ENPP2: variants seen among roughly 807,000 people sequenced by gnomAD.
ENPP2 encodes the protein autotaxin.
ENPP2 carries 51 observed loss-of-function variants against 120.2 expected under a neutral mutation model. The ratio of observed to expected loss-of-function variants is 0.42; its 90% CI spans 0.34 to 0.54. The LOEUF is 0.54. Ranked by LOEUF, ENPP2 falls within the 20% of genes least tolerant of loss-of-function variation. The pLI is 0.04. For synonymous variants in ENPP2, 365 were observed against 366.4 expected (o/e 1.00, Z 0.04); for missense variants, 920 against 1,066.5 (o/e 0.86, Z 1.91).
At position 119,646,718 on chromosome 8, in the gene ENPP2, A is replaced by C. The variant is rs148726980; in HGVS notation, c.22-8191T>G. Among the ~76,000 whole-genome samples the C allele has an allele frequency of 5.8e-3, 886 of 152,332 alleles. 10 individuals are homozygous for C. The highest frequency in any genetic ancestry group is 0.02 in the African/African-American group (841 of 41,570). On this transcript the variant is annotated intron_variant, in intron 1 of 25. Transcript: ENST00000427067. Reference sequence around the variant, plus strand: ...TAATCCATGTAAATCACCTAGCACAATGCCCAGCATAGAATAGTGTTCATA... The same window carrying C: ...TAATCCATGTAAATCACCTAGCACACTGCCCAGCATAGAATAGTGTTCATA...
At chr8:119,568,298 A>G (rs752220934) in intron 21 of ENPP2, 46 bp from the exon 22 acceptor site, 14 of 975,220 alleles carry the variant, frequency 1.4e-5, no homozygotes, top group Non-Finnish European at 1.8e-5. Context: ...ACCAAAATCT[A>G]TATCAGTTAA....
upstream of ENPP2, chr8:119,638,947 AAT>A: frequency 1.3e-6 from 1 of 776,752 alleles, no homozygotes; most frequent in Non-Finnish European, 2.1e-6. Flanking sequence ...GGTGTTCACA[AAT>A]CGCAGCTCTG....
chr8:119,600,847 C>G, intron 10 of ENPP2, 97 bp from the exon 11 acceptor site: 1 of 783,736 alleles, frequency 1.3e-6, no homozygotes, highest in Non-Finnish European at 2.1e-6. Context: ...AAAATGTTCT[C>G]AAGTTTAATT....
chr8:119,612,287 GA>G (rs1458587502), intron 8 of ENPP2, among the ~76,000 whole-genome samples: 1 of 152,128 alleles, frequency 6.6e-6, no homozygotes, highest in Non-Finnish European at 1.5e-5. Context: ...GTAGTATATG[GA>G]AAAGAAACAA....
In ENPP2 at chr8:119,621,380, A is replaced by G; in HGVS notation, c.418+14T>C. 3 of 1,612,372 alleles carry G rather than the reference A, an allele frequency of 1.9e-6. No individual in the cohort carries two copies. Among genetic ancestry groups the G allele is most frequent in the Non-Finnish European group, 2.5e-6 (3 of 1,178,742 alleles). On this transcript the variant is annotated intron_variant, in intron 4 of 24. Transcript: ENST00000075322. ...ATTCTTTTAAAGCTCAGGCCAATCC[A>G]AAGAAACACGTACCTTTGCAAACCA...
At chr8:119,623,380 GC>G (rs1347560018) in intron 3 of ENPP2, among the ~76,000 whole-genome samples, 1 of 151,934 alleles carries the variant, frequency 6.6e-6, no homozygotes, top group Non-Finnish European at 1.5e-5. Flanking sequence ...CAGGAGAATC[GC>G]TTGAACCCAG....
chr8:119,629,208 G>A (rs1327637541), intron 2 of ENPP2, among the ~76,000 whole-genome samples: 1 of 151,886 alleles, frequency 6.6e-6, no homozygotes, highest in East Asian at 1.9e-4. Context: ...GTGTGTGTGG[G>A]TATGTATATA....
chr8:119,599,691 T>C (rs1176525626), intron 11 of ENPP2, among the ~76,000 whole-genome samples: 1 of 152,216 alleles, frequency 6.6e-6, no homozygotes, highest in African/African-American at 2.4e-5. Context: ...TCCACAATGA[T>C]GGCTGAGTGT....
At chr8:119,561,965 T>C (rs2326303) in intron 24 of ENPP2, among the ~76,000 whole-genome samples, 97,386 of 151,602 alleles carry the variant, frequency 0.64, 32,202 homozygotes, top group African/African-American at 0.8. Context: ...GGTGGAACCC[T>C]GTCTCTACTA....
intron 2 of ENPP2, 66 bp from the exon 3 acceptor site, chr8:119,626,786 C>G: frequency 6.8e-7 from 1 of 1,465,444 alleles, no homozygotes; most frequent in Non-Finnish European, 9.5e-7. Context: ...AAAGGTGGCA[C>G]TGGGAAGCTG....
intron 1 of ENPP2, among the ~76,000 whole-genome samples, chr8:119,672,226 C>T (rs1818271532): frequency 6.6e-6 from 1 of 152,158 alleles, no homozygotes; most frequent in Non-Finnish European, 1.5e-5. Context: ...CCAGAGGTGA[C>T]CACTGCGGGG....
intron 9 of ENPP2, among the ~76,000 whole-genome samples, chr8:119,602,457 C>CAAAAAAA (rs57298494): frequency 1.6e-5 from 2 of 122,956 alleles, no homozygotes; most frequent in African/African-American, 5.6e-5. Flanking sequence ...AACTCTGTCT[C>CAAAAAAA]AAAAAAAAAA....
At chr8:119,589,561 T>C (rs1813357508) in intron 13 of ENPP2, among the ~76,000 whole-genome samples, 1 of 152,170 alleles carries the variant, frequency 6.6e-6, no homozygotes, top group African/African-American at 2.4e-5. Context: ...ATCCAGTCTA[T>C]GCGAGGGCAG....
intron 3 of ENPP2, among the ~76,000 whole-genome samples, chr8:119,626,319 A>C (rs1816271026): frequency 6.6e-6 from 1 of 152,210 alleles, no homozygotes; most frequent in Non-Finnish European, 1.5e-5. Flanking sequence ...AAAAACAAAA[A>C]ACATTTGCAA....
At chr8:119,587,172 C>A (rs1813173600) in intron 13 of ENPP2, 97 bp from the exon 14 acceptor site, 2 of 957,278 alleles carry the variant, frequency 2.1e-6, no homozygotes, top group Non-Finnish European at 3.3e-6. Context: ...CTCCTTCCAT[C>A]CCACAGAAGA....
At chr8:119,620,387 A>T (rs1334969924) in intron 4 of ENPP2, among the ~76,000 whole-genome samples, 4 of 152,244 alleles carry the variant, frequency 2.6e-5, no homozygotes. Flanking sequence ...ATTATTGGGT[A>T]GGGGAAATTA....
chr8:119,585,934 A>G (rs898337886), intron 15 of ENPP2, among the ~76,000 whole-genome samples: 1 of 146,526 alleles, frequency 6.8e-6, no homozygotes, highest in Non-Finnish European at 1.5e-5. Context: ...AGAGACACAC[A>G]CACACACACA....
At chr8:119,569,822 A>C (rs1011771603) in intron 20 of ENPP2, among the ~76,000 whole-genome samples, 7 of 151,980 alleles carry the variant, frequency 4.6e-5, no homozygotes, top group Admixed American at 3.3e-4. Context: ...AAATCAAAAT[A>C]AACTGTATTT....
chr8:119,640,017 A>G (rs909012394), upstream of ENPP2, among the ~76,000 whole-genome samples: 1 of 152,220 alleles, frequency 6.6e-6, no homozygotes, highest in African/African-American at 2.4e-5. Flanking sequence ...CTTACCATGC[A>G]ACAAATTAGT....
Sources: allele counts gnomAD v4.1 joint callset (sites outside exome capture counted in the v4.1 genomes callset), GRCh38; gene constraint gnomAD v4.1.1; transcripts MANE v1.5; gene names NCBI Gene and HGNC (gene_info 2026-07-23, HGNC 2026-07-21).